Variants in KYNU observed in about 807,000 individuals in gnomAD.
KYNU encodes kynureninase.
Under a neutral mutation model 59.2 loss-of-function variants are expected in KYNU, and 54 were observed. The observed-to-expected ratio is 0.91, with a 90% confidence interval of 0.73 to 1.14. The LOEUF (loss-of-function observed/expected upper bound fraction) is 1.14, where lower values mean the gene tolerates loss of function less well. Ranked by LOEUF, KYNU falls within the 50% of genes most tolerant of loss-of-function variation. The pLI is 0.00. For synonymous variants in KYNU, 177 were observed against 192.0 expected (o/e 0.92, Z 0.65); for missense variants, 567 against 554.4 (o/e 1.02, Z -0.23).
At chr2:142,964,290 A>G (rs1227985382) in intron 8 of KYNU, among the ~76,000 whole-genome samples, 2 of 152,120 alleles carry the variant, frequency 1.3e-5, no homozygotes, top group Non-Finnish European at 2.9e-5. Context: ...ACATTCATAT[A>G]CATTTCTGTT....
chr2:142,968,079 C>T (rs1428757827), intron 8 of KYNU, among the ~76,000 whole-genome samples: 4 of 152,076 alleles, frequency 2.6e-5, no homozygotes, highest in Admixed American at 2.0e-4. Context: ...GGCCATTCAC[C>T]GAATAGGATC....
At chr2:142,907,479 G>A (rs895369365) in intron 2 of KYNU, among the ~76,000 whole-genome samples, 5 of 152,222 alleles carry the variant, frequency 3.3e-5, no homozygotes, top group African/African-American at 1.2e-4. Flanking sequence ...AGGGGTGGGA[G>A]TCAATGGCGG....
intron 2 of KYNU, among the ~76,000 whole-genome samples, chr2:142,907,541 C>T (rs868673517): frequency 6.6e-6 from 1 of 151,116 alleles, no homozygotes; most frequent in African/African-American, 2.4e-5. Flanking sequence ...AAGCTCAGCT[C>T]AAGCCGTAAC....
rs78289913 is a variant in KYNU, at chr2:142,887,168, T to TCAACAACAA, written c.169+1651_169+1659dup. On this transcript the variant is annotated intron_variant, in intron 2 of 13. Transcript: ENST00000264170. ...TTGGGCGACAGTCCGAGGCTCCATC[T>TCAACAACAA]CAACAACAACAACAACAACAACAAC... Among the ~76,000 whole-genome samples the TCAACAACAA allele has an allele frequency of 5.8e-3, 873 of 150,488 alleles. 6 individuals carry two copies. The highest frequency in any genetic ancestry group is 0.02 in the African/African-American group (816 of 40,882).
Position 142,972,813 on chromosome 2 carries a change from T to TATATAG in KYNU, c.729+12044_729+12045insTATAGA, listed in dbSNP as rs1478067181. On this transcript the variant is annotated intron_variant, in intron 8 of 13. Transcript: ENST00000264170. ...GGCCATATATATATATATATATATA[T>TATATAG]AGAGAGAGAGAGAGAGAGAGAGAGA... Among the ~76,000 whole-genome samples the TATATAG allele has an allele frequency of 3.5e-4, 44 of 124,222 alleles. 1 individual carries two copies. The highest frequency in any genetic ancestry group is 1.7e-3 in the East Asian group (7 of 4,080). 81.5% of individuals were successfully genotyped at this position (124,222 alleles called of 152,430 possible).
chr2:143,013,651 G>A (rs1686175296), intron 10 of KYNU, among the ~76,000 whole-genome samples: 1 of 152,272 alleles, frequency 6.6e-6, no homozygotes, highest in African/African-American at 2.4e-5. Flanking sequence ...TTTCTTGAAG[G>A]AAATTTGGTC....
At chr2:142,886,544 G>A (rs1465014333) in intron 2 of KYNU, among the ~76,000 whole-genome samples, 3 of 151,958 alleles carry the variant, frequency 2.0e-5, no homozygotes, top group Admixed American at 1.3e-4. Flanking sequence ...TAGAAGAGAC[G>A]AAATAAAATG....
chr2:143,049,994 G>C lies in KYNU; in HGVS notation c.*7822G>C, dbSNP rs1385155292. On this transcript the variant is annotated 3_prime_UTR_variant, in exon 14 of 14. Transcript: ENST00000264170. ...CGGTTTTTTTCCAATCACATAAGTA[G>C]GATTTACCTGAATATATATATAATA... The C allele has an allele frequency of 6.8e-6, 1 of 147,548 alleles. No individual in the cohort carries two copies. The highest frequency in any genetic ancestry group is 1.5e-5 in the Non-Finnish European group (1 of 67,112). 9.1% of individuals were successfully genotyped at this position (147,548 alleles called of 1,614,324 possible).
chr2:143,043,105 A>G lies in KYNU; in HGVS notation c.*933A>G, dbSNP rs1687102519. On this transcript the variant is annotated 3_prime_UTR_variant, in exon 14 of 14. Coordinates refer to ENST00000264170, the MANE Select transcript of KYNU (RefSeq NM_003937.3). Reference sequence around the variant, plus strand: ...CTTTTTAAGAATGTTTCTTTCTTTAATGTTATCATAATCTCTTACTTTTTA... The same window carrying G: ...CTTTTTAAGAATGTTTCTTTCTTTAGTGTTATCATAATCTCTTACTTTTTA... 6.6e-6 allele frequency: 1 copy of G among 151,950 alleles called. No homozygotes were observed. Among genetic ancestry groups the G allele is most frequent in the African/African-American group, 2.4e-5 (1 of 41,410 alleles). The allele number at this position is 151,950 out of a possible 1,614,324, so 9.4% of individuals were successfully genotyped here. A position where few individuals can be genotyped will look rare whatever the true frequency, so the allele number is the denominator to read the frequency against.
intron 4 of KYNU, among the ~76,000 whole-genome samples, chr2:142,939,789 G>A (rs1456030793): frequency 1.3e-5 from 2 of 152,096 alleles, no homozygotes; most frequent in East Asian, 3.8e-4. Flanking sequence ...TATTATTGAA[G>A]AAAAGAACAG....
Position 143,048,653 on chromosome 2 carries a change from A to G in KYNU, c.*6481A>G, listed in dbSNP as rs1687211416. The G allele has an allele frequency of 6.6e-6, 1 of 152,178 alleles. No homozygotes were observed. The highest frequency in any genetic ancestry group is 2.1e-4 in the South Asian group (1 of 4,832). 9.4% of individuals were successfully genotyped at this position (152,178 alleles called of 1,614,324 possible). On this transcript the variant is annotated 3_prime_UTR_variant, in exon 14 of 14. Coordinates refer to ENST00000264170, the MANE Select transcript of KYNU (RefSeq NM_003937.3). ...TTGATACCATTTTCTCATTACTTAAAAATAGTTTCACTTCATATAGAATTC... is the reference window on the plus strand; with the variant it reads ...TTGATACCATTTTCTCATTACTTAAGAATAGTTTCACTTCATATAGAATTC...
rs1407256932 is a variant in KYNU, at chr2:143,043,289, CTG to C, written c.*1120_*1121del. ...CAAATCTATGGACCTTTCTTACCCA[CTG>C]TGAAAAACCTAAAGTTACACTTAGC... On this transcript the variant is annotated 3_prime_UTR_variant, in exon 14 of 14. Coordinates refer to ENST00000264170, the MANE Select transcript of KYNU (RefSeq NM_003937.3). The C allele has an allele frequency of 3.9e-5, 6 of 151,996 alleles. No individual in the cohort carries two copies. In the Admixed American group the frequency reaches 3.9e-4, roughly 10 times the overall value. The allele number at this position is 151,996 out of a possible 1,614,324, so 9.4% of individuals were successfully genotyped here.
In KYNU at chr2:142,955,290, A is replaced by C. The variant is rs561370967; in HGVS notation, c.435+419A>C. ...AGGTTAAAAAAGACTTGGAGTATTA[A>C]ATTTTTAAAAAGAGGTCTAGTACCT... On this transcript the variant is annotated intron_variant, in intron 5 of 13. Coordinates refer to ENST00000264170, the MANE Select transcript of KYNU (RefSeq NM_003937.3). Among the ~76,000 whole-genome samples, 16 of 152,184 alleles carry C rather than the reference A, an allele frequency of 1.1e-4. No homozygotes were observed. In the East Asian group the frequency reaches 3.1e-3, roughly 29 times the overall value.
rs1172837424 is a variant in KYNU at position 143,045,009 on chromosome 2, A to G, written c.*2837A>G. 1 of 151,362 alleles carries G rather than the reference A, an allele frequency of 6.6e-6. No homozygotes were observed. The highest frequency in any genetic ancestry group is 1.9e-4 in the East Asian group (1 of 5,178). The allele number at this position is 151,362 out of a possible 1,614,324, so 9.4% of individuals were successfully genotyped here. On this transcript the variant is annotated 3_prime_UTR_variant, in exon 14 of 14. Transcript: ENST00000264170. Reference sequence around the variant, plus strand: ...TAATCTATCTTGAGTTAATTTTTGTATAAGATATAAGAAAGGGGTCCAGTT... The same window carrying G: ...TAATCTATCTTGAGTTAATTTTTGTGTAAGATATAAGAAAGGGGTCCAGTT...
intron 7 of KYNU, among the ~76,000 whole-genome samples, chr2:142,959,715 TTTAG>T (rs1298046809): frequency 1.3e-5 from 2 of 152,148 alleles, no homozygotes; most frequent in African/African-American, 4.8e-5. Flanking sequence ...ATTCACAACC[TTTAG>T]TAAGTAATCA....
At chr2:142,982,913 C>T (rs938967907) in intron 8 of KYNU, among the ~76,000 whole-genome samples, 50 of 151,896 alleles carry the variant, frequency 3.3e-4, no homozygotes, top group African/African-American at 1.2e-3. Flanking sequence ...GTATCTTGTA[C>T]TCTTTAAGAG....
chr2:142,986,128 G>C, intron 10 of KYNU, 107 bp downstream of exon 10: 1 of 762,112 alleles, frequency 1.3e-6, no homozygotes, highest in South Asian at 1.5e-5. Context: ...TAGGAATTAG[G>C]ATTGGATTAT....
intron 8 of KYNU, among the ~76,000 whole-genome samples, chr2:142,967,760 T>A (rs1684592782): frequency 6.6e-6 from 1 of 152,142 alleles, no homozygotes; most frequent in Non-Finnish European, 1.5e-5. Context: ...ACAGAAAGCT[T>A]GGCCGTGATG....
chr2:142,935,480 C>T (rs528388365), intron 4 of KYNU, among the ~76,000 whole-genome samples: 11 of 152,188 alleles, frequency 7.2e-5, no homozygotes, highest in Admixed American at 2.6e-4. Flanking sequence ...TATCAGCCTG[C>T]GCCTGAGCTA....
Sources: gnomAD v4.1 joint callset for allele counts (sites outside exome capture counted in the v4.1 genomes callset) on GRCh38, gnomAD v4.1.1 for gene constraint, MANE v1.5 for transcripts, NCBI Gene and HGNC (gene_info 2026-07-23, HGNC 2026-07-21) for gene names.